The following GABRA2 variants were observed in gnomAD, a reference collection of about 807,000 sequenced individuals.
The protein encoded by GABRA2 is gamma-aminobutyric acid type A receptor subunit alpha2, also known as gamma-aminobutyric acid receptor subunit alpha-2.
Under a neutral mutation model 48.7 loss-of-function variants are expected in GABRA2, and 16 were observed. The observed-to-expected ratio is 0.33, with a 90% CI of 0.22 to 0.50. GABRA2 has a LOEUF of 0.50. Among genes scored for constraint, GABRA2 ranks in the 20% least tolerant of loss-of-function variants. GABRA2 has a pLI of 0.98. For missense variants in GABRA2, 275 were observed against 535.6 expected, an observed-to-expected ratio of 0.51 and a Z score of 4.80; for synonymous variants, 185 against 184.5, an observed-to-expected ratio of 1.00 and a Z score of -0.02.
At chr4:46,388,065 G>T (rs1353120084) in intron 2 of GABRA2, among the ~76,000 whole-genome samples, 3 of 151,952 alleles carry the variant, frequency 2.0e-5, no homozygotes, top group Non-Finnish European at 1.5e-5. Flanking sequence ...AAGCATTTGA[G>T]AAAAAAATCT....
intron 9 of GABRA2, among the ~76,000 whole-genome samples, chr4:46,255,314 A>C (rs545977014): frequency 6.5e-4 from 99 of 151,720 alleles, no homozygotes; most frequent in South Asian, 4.6e-3. Flanking sequence ...AGACTATAAT[A>C]AATACTTTAT....
At chr4:46,360,736 A>G (rs1449379694) in intron 3 of GABRA2, among the ~76,000 whole-genome samples, 3 of 152,186 alleles carry the variant, frequency 2.0e-5, no homozygotes, top group Admixed American at 6.5e-5. Flanking sequence ...AAAATGTGGG[A>G]ATGTTTGGAA....
chr4:46,355,192 T>C (rs1735767882), intron 3 of GABRA2, among the ~76,000 whole-genome samples: 1 of 152,168 alleles, frequency 6.6e-6, no homozygotes. Context: ...TCTTACTTTA[T>C]TTTTTGCCAG....
rs185072341 is a variant in GABRA2, at chr4:46,292,048, C to A, written c.856+11412G>T. Among the ~76,000 whole-genome samples the A allele has an allele frequency of 1.3e-4, 20 of 152,040 alleles. 1 individual carries two copies. In the East Asian group the frequency reaches 3.9e-3, roughly 29 times the overall value. ...GCATGAACTGTTTAGAGAGTTACGCCAAATGAGTGCATTTGACACTCCTGA... is the reference window on the plus strand; with the variant it reads ...GCATGAACTGTTTAGAGAGTTACGCAAAATGAGTGCATTTGACACTCCTGA... On this transcript the variant is annotated intron_variant, in intron 8 of 9. Coordinates refer to ENST00000381620, the MANE Select transcript of GABRA2 (RefSeq NM_000807.4).
chr4:46,303,545 G>T lies in GABRA2; in HGVS notation c.771C>A (p.Thr257=). The T allele has an allele frequency of 1.2e-6, 2 of 1,613,808 alleles. No homozygotes were observed. Among genetic ancestry groups the T allele is most frequent in the African/African-American group, 1.3e-5 (1 of 75,022 alleles). ...KRKIGYFVIQ[T]YLPCIMTVIL... ...TGACAGTCATGATGCAAGGCAGATAGGTTTGAATCACAAAATACCCAATTT... is the reference window on the plus strand; with the variant it reads ...TGACAGTCATGATGCAAGGCAGATATGTTTGAATCACAAAATACCCAATTT... The change falls in exon 8 of 10, where the codon ACC becomes ACA. Residue 257 remains threonine, a synonymous_variant. Coordinates refer to ENST00000381620, the MANE Select transcript of GABRA2 (RefSeq NM_000807.4).
chr4:46,256,855 CAT>C (rs1418852207), intron 9 of GABRA2, among the ~76,000 whole-genome samples: 1 of 151,600 alleles, frequency 6.6e-6, no homozygotes, highest in Non-Finnish European at 1.5e-5. Context: ...TAAAATGACT[CAT>C]AAAACAATAG....
chr4:46,268,356 A>G (rs1718660624), intron 8 of GABRA2, among the ~76,000 whole-genome samples: 1 of 152,008 alleles, frequency 6.6e-6, no homozygotes, highest in African/African-American at 2.4e-5. Flanking sequence ...GAAATAAAAC[A>G]AGTAATTGAA....
At chr4:46,265,207 C>T (rs182171851) in intron 8 of GABRA2, among the ~76,000 whole-genome samples, 16 of 148,924 alleles carry the variant, frequency 1.1e-4, no homozygotes, top group Non-Finnish European at 2.2e-4. Flanking sequence ...AACTAGTTTT[C>T]GTATTTTTAG....
In GABRA2 at chr4:46,389,721, G is replaced by C. The variant is rs199806945; in HGVS notation, c.-11+14C>G. On this transcript the variant is annotated intron_variant, in intron 1 of 9. Coordinates refer to ENST00000381620, the MANE Select transcript of GABRA2 (RefSeq NM_000807.4). ...GGAAAGTGTCTCTATCGGGACCAAC[G>C]TGTGCGACCCTACCTGAAACGGCAA... The C allele has an allele frequency of 7.3e-5, 72 of 983,268 alleles. No homozygotes were observed. The highest frequency in any genetic ancestry group is 7.5e-5 in the Non-Finnish European group (62 of 829,402). 60.9% of individuals were successfully genotyped at this position (983,268 alleles called of 1,614,324 possible).
Position 46,323,389 on chromosome 4 carries a change from GTTC to G in GABRA2, c.255+9223_255+9225del, listed in dbSNP as rs201880695. 9.3e-4 allele frequency among the ~76,000 whole-genome samples: 129 copies of G among 139,022 alleles called. 1 individual carries two copies. In the East Asian group the frequency reaches 0.02, roughly 21 times the overall value. 91.2% of individuals were successfully genotyped at this position (139,022 alleles called of 152,430 possible). A position where few individuals can be genotyped will look rare whatever the true frequency, so the allele number is the denominator to read the frequency against. ...TTGTGTAGCTAGCCAATCCTCATTT[GTTC>G]TTCTCAGATATCTTTTTTTTCCCTA... On this transcript the variant is annotated intron_variant, in intron 4 of 9. Transcript: ENST00000381620.
At chr4:46,335,019 A>G (rs1351325277) in intron 3 of GABRA2, among the ~76,000 whole-genome samples, 1 of 152,200 alleles carries the variant, frequency 6.6e-6, no homozygotes, top group East Asian at 1.9e-4. Context: ...ACATGGGCTA[A>G]TGAAATATTT....
chr4:46,262,960 G>A (rs766025334), intron 8 of GABRA2, among the ~76,000 whole-genome samples: 1,347 of 30,486 alleles, frequency 0.044, 26 homozygotes, highest in African/African-American at 0.15. Context: ...GAAAGAAAGA[G>A]AGAGAGAGAG....
At chr4:46,284,849 C>T (rs1722232837) in intron 8 of GABRA2, among the ~76,000 whole-genome samples, 1 of 151,474 alleles carries the variant, frequency 6.6e-6, no homozygotes, top group African/African-American at 2.4e-5. Context: ...TTTATTAAAA[C>T]TTGTGTGGAT....
chr4:46,295,083 A>T (rs1436065766), intron 8 of GABRA2, among the ~76,000 whole-genome samples: 1 of 152,174 alleles, frequency 6.6e-6, no homozygotes, highest in Non-Finnish European at 1.5e-5. Context: ...GGAAGAGAAG[A>T]CTTAGGCCTG....
rs561240432 is a variant in GABRA2, at chr4:46,361,851, T to G, written c.187+24223A>C. 2.0e-5 allele frequency among the ~76,000 whole-genome samples: 3 copies of G among 152,350 alleles called. No individual in the cohort carries two copies. In the South Asian group the frequency reaches 6.2e-4, roughly 32 times the overall value. Reference sequence around the variant, plus strand: ...GACATAGAGTCAAAGGAGATCATTTTGAAGCTTTAAGATCCAATTGCCCCA... The same window carrying G: ...GACATAGAGTCAAAGGAGATCATTTGGAAGCTTTAAGATCCAATTGCCCCA... On this transcript the variant is annotated intron_variant, in intron 3 of 9. Coordinates refer to ENST00000381620, the MANE Select transcript of GABRA2 (RefSeq NM_000807.4).
Position 46,245,584 on chromosome 4 carries a change from G to C in GABRA2, c.*4724C>G, listed in dbSNP as rs144839551. Among the ~76,000 whole-genome samples the C allele has an allele frequency of 5.2e-3, 784 of 151,396 alleles. 2 individuals are homozygous for C. Among genetic ancestry groups the C allele is most frequent in the Non-Finnish European group, 9.0e-3 (605 of 67,464 alleles). On this transcript the variant is annotated 3_prime_UTR_variant, in exon 10 of 10. Transcript: ENST00000381620. Reference sequence around the variant, plus strand: ...GTTCTAGTGTGCAAGTTAATTGCTAGTTTAATAAGAGCTGAATTTGTGATA... The same window carrying C: ...GTTCTAGTGTGCAAGTTAATTGCTACTTTAATAAGAGCTGAATTTGTGATA...
chr4:46,366,491 A>G (rs186467106), intron 3 of GABRA2: 1 of 152,192 alleles, frequency 6.6e-6, no homozygotes, highest in East Asian at 1.9e-4. Context: ...TTAATTCCTG[A>G]TTGATGAGAC....
intron 8 of GABRA2, among the ~76,000 whole-genome samples, chr4:46,296,071 A>G (rs2109571229): frequency 1.3e-5 from 2 of 152,288 alleles, no homozygotes; most frequent in Admixed American, 1.3e-4. Context: ...TGAAGTCACA[A>G]TTACAAAGCC....
At chr4:46,279,494 C>A (rs934315851) in intron 8 of GABRA2, among the ~76,000 whole-genome samples, 2 of 151,884 alleles carry the variant, frequency 1.3e-5, no homozygotes, top group African/African-American at 2.4e-5. Flanking sequence ...CTTTTCATCT[C>A]TTTTTTTAAA....
Sources: allele counts gnomAD v4.1 joint callset (sites outside exome capture counted in the v4.1 genomes callset), GRCh38; gene constraint gnomAD v4.1.1; transcripts MANE v1.5; gene names NCBI Gene and HGNC (gene_info 2026-07-23, HGNC 2026-07-21).